The following CACNA1A variants were observed in gnomAD, a reference collection of about 807,000 sequenced individuals.
CACNA1A encodes the protein calcium voltage-gated channel subunit alpha1 A.
In CACNA1A, 57 loss-of-function variants were observed where a neutral mutation model predicts 262.4. The observed-to-expected ratio is 0.22, with a 90% CI of 0.18 to 0.27. The LOEUF is 0.27. CACNA1A is among the 10% of genes least tolerant of loss of function. The probability of loss-of-function intolerance (pLI) is 1.00; values close to 1 mark genes in which losing one functional copy is unlikely to be tolerated. For synonymous variants in CACNA1A, 1,431 were observed against 1,419.3 expected (o/e 1.01, Z -0.18); for missense variants, 2,526 against 3,562.8 (o/e 0.71, Z 7.41).
chr19:13,460,293 TAGG>T (rs2061096973), intron 1 of CACNA1A, among the ~76,000 whole-genome samples: 1 of 152,094 alleles, frequency 6.6e-6, no homozygotes, highest in African/African-American at 2.4e-5. Flanking sequence ...ATTTCAGGGA[TAGG>T]AGGAGGAGCT....
chr19:13,281,492 C>A (rs1158574029), intron 22 of CACNA1A, among the ~76,000 whole-genome samples: 1 of 151,696 alleles, frequency 6.6e-6, no homozygotes, highest in Non-Finnish European at 1.5e-5. Context: ...TCAAGCTGGG[C>A]TCTGTGGACA....
chr19:13,453,402 A>G (rs1041599546), intron 2 of CACNA1A, among the ~76,000 whole-genome samples: 16 of 152,262 alleles, frequency 1.1e-4, no homozygotes, highest in African/African-American at 3.9e-4. Context: ...TTCAAGTGAC[A>G]ATCCTATTGG....
chr19:13,386,554 C>T (rs1379652499), intron 3 of CACNA1A, among the ~76,000 whole-genome samples: 1 of 151,918 alleles, frequency 6.6e-6, no homozygotes, highest in Non-Finnish European at 1.5e-5. Flanking sequence ...TTTGGGAGGC[C>T]GAGGCAGGTG....
chr19:13,375,006 C>T (rs2059381419), intron 3 of CACNA1A, among the ~76,000 whole-genome samples: 1 of 152,156 alleles, frequency 6.6e-6, no homozygotes, highest in Admixed American at 6.6e-5. Context: ...TGCTTTATTG[C>T]AATTTGTAGA....
intron 20 of CACNA1A, 113 bp from the exon 21 acceptor site, chr19:13,285,319 G>C (rs935064663): frequency 2.6e-6 from 3 of 1,148,138 alleles, no homozygotes; most frequent in Non-Finnish European, 3.8e-6. Context: ...TAAAGTGCCT[G>C]CTGTATATAC....
intron 34 of CACNA1A, among the ~76,000 whole-genome samples, chr19:13,234,048 TAAAA>T (rs60742009): frequency 2.0e-5 from 2 of 102,352 alleles, no homozygotes; most frequent in Non-Finnish European, 3.7e-5. Context: ...AGACTCCATC[TAAAA>T]AAAAAAAAAA....
chr19:13,349,276 T>A (rs989418802), intron 6 of CACNA1A, among the ~76,000 whole-genome samples: 6 of 152,084 alleles, frequency 3.9e-5, no homozygotes, highest in African/African-American at 1.2e-4. Context: ...ACAGAAGCCC[T>A]CGGCTAAAGG....
rs142348982 is a variant in CACNA1A, at chr19:13,334,957, C to T, written c.1083-464G>A. Among the ~76,000 whole-genome samples the T allele has an allele frequency of 6.7e-4, 102 of 151,726 alleles. 2 individuals carry two copies. The highest frequency in any genetic ancestry group is 2.3e-3 in the African/African-American group (96 of 41,374). ...GCTGAGGCAGGAGGATCGCTTGTGCCTAGGAGTTCTAGGTTACAGTGAGCT... is the reference window on the plus strand; with the variant it reads ...GCTGAGGCAGGAGGATCGCTTGTGCTTAGGAGTTCTAGGTTACAGTGAGCT... On this transcript the variant is annotated intron_variant, in intron 7 of 46. Transcript: ENST00000360228.
At chr19:13,208,655 C>G in intron 46 of CACNA1A, 101 bp downstream of exon 46, 1 of 1,382,678 alleles carries the variant, frequency 7.2e-7, no homozygotes, top group Non-Finnish European at 9.5e-7. Flanking sequence ...AGCCGGGATC[C>G]GGGGACCTTT....
In CACNA1A at chr19:13,285,099, T is replaced by G; in HGVS notation, c.3661A>C (p.Ser1221Arg). Residue 1221 changes from serine to arginine, a missense_variant, in exon 21 of 47, where the codon AGC becomes CGC. By Grantham distance (110) the Ser-to-Arg change is moderately radical. This residue lies in a region of CACNA1A where 765 missense variants were observed against 748.6 expected (regional missense o/e 1.02). Transcript: ENST00000360228. ...GTCGTGGACAGGATGAACATGGAGC[T>G]ATAGGGAGGCATTGGCTTAGGGCCG... ...EDGPKPMPPY[S>R]SMFILSTTNP... 1 of 1,613,980 alleles carries G rather than the reference T, an allele frequency of 6.2e-7. No individual in the cohort carries two copies. The highest frequency in any genetic ancestry group is 2.2e-5 in the East Asian group (1 of 44,872).
intron 40 of CACNA1A, among the ~76,000 whole-genome samples, chr19:13,213,160 C>A (rs1036596637): frequency 1.2e-4 from 19 of 152,200 alleles, no homozygotes; most frequent in African/African-American, 4.6e-4. Flanking sequence ...TGCCCTGTCA[C>A]CTCCTTGCCC....
intron 24 of CACNA1A, among the ~76,000 whole-genome samples, chr19:13,266,459 G>A (rs1195773918): frequency 1.3e-5 from 2 of 152,180 alleles, no homozygotes; most frequent in Non-Finnish European, 2.9e-5. Context: ...CATGGAACTG[G>A]CTAAAATCTT....
intron 6 of CACNA1A, among the ~76,000 whole-genome samples, chr19:13,336,860 C>A (rs745582710): frequency 6.6e-6 from 1 of 152,182 alleles, no homozygotes; most frequent in Non-Finnish European, 1.5e-5. Context: ...GCACTAACCA[C>A]CTGGCCCCAG....
chr19:13,452,751 C>G (rs571422605), intron 3 of CACNA1A, 125 bp downstream of exon 3: 3 of 792,112 alleles, frequency 3.8e-6, no homozygotes, highest in Non-Finnish European at 6.2e-6. Flanking sequence ...AGGAGGCAGG[C>G]GCATAACAAG....
chr19:13,319,296 C>A (rs2058197702), intron 10 of CACNA1A, among the ~76,000 whole-genome samples: 1 of 152,166 alleles, frequency 6.6e-6, no homozygotes, highest in South Asian at 2.1e-4. Context: ...TTCATCCATC[C>A]ATTTGTTCAT....
At chr19:13,450,377 G>A (rs2060894461) in intron 3 of CACNA1A, 1 of 152,210 alleles carries the variant, frequency 6.6e-6, no homozygotes, top group South Asian at 2.1e-4. Context: ...ACCTCCCTTA[G>A]GTTTTCATTC....
At chr19:13,438,892 C>T (rs1356448682) in intron 3 of CACNA1A, among the ~76,000 whole-genome samples, 1 of 152,106 alleles carries the variant, frequency 6.6e-6, no homozygotes, top group Non-Finnish European at 1.5e-5. Context: ...GTGCACGCCA[C>T]CACACCCGAC....
chr19:13,292,064 G>A (rs767639221), intron 19 of CACNA1A, among the ~76,000 whole-genome samples: 2 of 152,188 alleles, frequency 1.3e-5, no homozygotes, highest in Non-Finnish European at 2.9e-5. Context: ...CTGGGAGAAG[G>A]CACTGCCTGG....
intron 7 of CACNA1A, among the ~76,000 whole-genome samples, chr19:13,335,345 A>G (rs2058545703): frequency 6.6e-6 from 1 of 152,170 alleles, no homozygotes; most frequent in Non-Finnish European, 1.5e-5. Context: ...TCTGGTAAAG[A>G]TGTCAGAATG....
Sources: allele counts gnomAD v4.1 joint callset (sites outside exome capture counted in the v4.1 genomes callset), GRCh38; gene constraint gnomAD v4.1.1; regional missense constraint gnomAD v4.1.1; transcripts MANE v1.5; gene names NCBI Gene and HGNC (gene_info 2026-07-23, HGNC 2026-07-21).